HYCC1: variants seen among roughly 807,000 people sequenced by gnomAD.
HYCC1 encodes the protein hyccin.
the HYCC1 span, among the ~76,000 whole-genome samples, chr7:22,995,147 T>G: frequency 6.6e-6 from 1 of 152,058 alleles, no homozygotes; most frequent in Admixed American, 6.6e-5. Context: ...AAGTAGGTGT[T>G]CTCCTTTCTT....
chr7:22,945,754 T>C, the HYCC1 span: 49 of 1,613,698 alleles, frequency 3.0e-5, no homozygotes, highest in Non-Finnish European at 4.1e-5. Flanking sequence ...CAACAGCAGA[T>C]GACGGGTTAT....
At chr7:22,934,057 C>T in the HYCC1 span, among the ~76,000 whole-genome samples, 1 of 152,094 alleles carries the variant, frequency 6.6e-6, no homozygotes, top group Admixed American at 6.6e-5. Flanking sequence ...TGTATCTCTA[C>T]AGAGTTCTTA....
chr7:22,939,168 G>C, the HYCC1 span: 2 of 152,044 alleles, frequency 1.3e-5, no homozygotes, highest in Non-Finnish European at 2.9e-5. Flanking sequence ...AGATTTGCTG[G>C]CTTGTTTTTG....
the HYCC1 span, chr7:22,991,093 C>G: frequency 9.8e-5 from 158 of 1,610,822 alleles, no homozygotes; most frequent in Admixed American, 1.8e-4. Context: ...TCCACAACCC[C>G]TTTCTCTGAA....
the HYCC1 span, among the ~76,000 whole-genome samples, chr7:22,918,528 T>G: frequency 1.3e-5 from 2 of 152,152 alleles, no homozygotes; most frequent in East Asian, 3.8e-4. Context: ...GTTTTATTTT[T>G]CTTATGAATA....
the HYCC1 span, among the ~76,000 whole-genome samples, chr7:22,987,483 G>T: frequency 6.6e-6 from 1 of 152,208 alleles, no homozygotes; most frequent in Non-Finnish European, 1.5e-5. Context: ...AGGAGGTGGA[G>T]GTTGCAGTGA....
At chr7:22,922,994 T>C in the HYCC1 span, among the ~76,000 whole-genome samples, 21 of 152,166 alleles carry the variant, frequency 1.4e-4, no homozygotes, top group Admixed American at 6.6e-4. Flanking sequence ...CTTTCAATCA[T>C]AGATAGAACA....
At chr7:22,951,788 T>C in the HYCC1 span, among the ~76,000 whole-genome samples, 37 of 151,956 alleles carry the variant, frequency 2.4e-4, no homozygotes, top group African/African-American at 7.7e-4. Context: ...AATAACTGTA[T>C]TTACTAGGAG....
the HYCC1 span, among the ~76,000 whole-genome samples, chr7:22,997,308 T>C: frequency 6.6e-6 from 1 of 152,148 alleles, no homozygotes; most frequent in Non-Finnish European, 1.5e-5. Flanking sequence ...TTTTACATCA[T>C]CCCCTTCACC....
chr7:23,011,462 C>T, the HYCC1 span, among the ~76,000 whole-genome samples: 1 of 152,186 alleles, frequency 6.6e-6, no homozygotes, highest in African/African-American at 2.4e-5. Flanking sequence ...GTCAAACCTT[C>T]ACAGTCCTGA....
chr7:22,906,729 C>T, the HYCC1 span, among the ~76,000 whole-genome samples: 1 of 151,894 alleles, frequency 6.6e-6, no homozygotes, highest in Non-Finnish European at 1.5e-5. Context: ...AAGGTTAGTA[C>T]CTGATTCTGC....
At chr7:22,929,141 T>C in the HYCC1 span, among the ~76,000 whole-genome samples, 12 of 152,122 alleles carry the variant, frequency 7.9e-5, no homozygotes, top group Non-Finnish European at 1.2e-4. Flanking sequence ...TAGCCATATG[T>C]AGAAAGCTGA....
At chr7:22,918,198 T>C in the HYCC1 span, among the ~76,000 whole-genome samples, 1 of 152,194 alleles carries the variant, frequency 6.6e-6, no homozygotes, top group African/African-American at 2.4e-5. Context: ...TGATTGGATG[T>C]CATGGGTCCT....
At chr7:22,999,696 T>A in the HYCC1 span, among the ~76,000 whole-genome samples, 1 of 152,172 alleles carries the variant, frequency 6.6e-6, no homozygotes, top group South Asian at 2.1e-4. Context: ...TAGTATATGT[T>A]CAAATTGCAA....
the HYCC1 span, among the ~76,000 whole-genome samples, chr7:22,924,624 A>C: frequency 6.6e-6 from 1 of 152,222 alleles, no homozygotes; most frequent in Non-Finnish European, 1.5e-5. Context: ...AGGCGGCAGC[A>C]AGGCTGGGGG....
chr7:22,907,776 G>A, the HYCC1 span, among the ~76,000 whole-genome samples: 2 of 152,176 alleles, frequency 1.3e-5, no homozygotes, highest in Non-Finnish European at 2.9e-5. Flanking sequence ...GCTGGGCGTG[G>A]TGGCGCATGC....
chr7:22,976,259 T>G, the HYCC1 span: 1 of 1,613,236 alleles, frequency 6.2e-7, no homozygotes, highest in South Asian at 1.1e-5. Flanking sequence ...GGCATGTAAG[T>G]TAAGGCAGCA....
chr7:22,926,598 A>G, the HYCC1 span, among the ~76,000 whole-genome samples: 3 of 152,192 alleles, frequency 2.0e-5, no homozygotes, highest in Non-Finnish European at 1.5e-5. Flanking sequence ...GCCATTACAT[A>G]ATGGTAAAGG....
At chr7:22,943,647 C>G in the HYCC1 span, 1 of 152,482 alleles carries the variant, frequency 6.6e-6, no homozygotes, top group Non-Finnish European at 1.5e-5. Flanking sequence ...TCTTAAAATG[C>G]CAAATTAGTT....
Sources: allele counts gnomAD v4.1 joint callset (sites outside exome capture counted in the v4.1 genomes callset), GRCh38; gene constraint gnomAD v4.1.1; transcripts MANE v1.5; gene names NCBI Gene and HGNC (gene_info 2026-07-23, HGNC 2026-07-21).